The following NISCH variants were observed in gnomAD, a reference collection of about 807,000 sequenced individuals.
NISCH encodes nischarin, also known as I-1 receptor candidate protein.
A neutral mutation model predicts 138.4 loss-of-function variants in NISCH; 55 were observed. That is an observed-to-expected ratio of 0.40 (90% CI 0.32 to 0.50). The LOEUF (loss-of-function observed/expected upper bound fraction) is 0.50. NISCH is among the 20% of genes least tolerant of loss of function. The probability of loss-of-function intolerance (pLI) is 0.71; values close to 1 mark genes in which losing one functional copy is unlikely to be tolerated. For synonymous variants in NISCH, 860 were observed against 861.5 expected, an observed-to-expected ratio of 1.00 and a Z score of 0.03; for missense variants, 1,643 against 2,005.5, an observed-to-expected ratio of 0.82 and a Z score of 3.45.
At position 52,478,522 on chromosome 3, in the gene NISCH, T is replaced by G. The variant is rs145041762; in HGVS notation, c.1247T>G (p.Ile416Ser). 1.1e-5 allele frequency: 17 copies of G among 1,614,022 alleles called. No individual in the cohort carries two copies. In the African/African-American group the frequency reaches 2.0e-4, roughly 19 times the overall value. ...HVSLLNNPLS[I>S]IPDYRTKVLA... ...TCTCTGCTGAACAACCCTCTGAGCA[T>G]CATCCCCGACTACCGGACCAAGGTG... The change falls in exon 11 of 21, where the codon ATC becomes AGC. Residue 416 changes from isoleucine to serine, a missense_variant. Ile to Ser is a moderately radical substitution (Grantham distance 142). Coordinates refer to ENST00000345716, the MANE Select transcript of NISCH (RefSeq NM_007184.4).
At chr3:52,465,517 T>A (rs1706756816) in intron 3 of NISCH, among the ~76,000 whole-genome samples, 1 of 152,210 alleles carries the variant, frequency 6.6e-6, no homozygotes, top group South Asian at 2.1e-4. Context: ...GCCGCCTGTA[T>A]GAGTGAGGGG....
At position 52,489,445 on chromosome 3, in the gene NISCH, C is replaced by T. The variant is rs1707502161; in HGVS notation, c.3223C>T (p.Pro1075Ser). The change falls in exon 17 of 21, where the codon CCG becomes TCG. Residue 1075 changes from proline (P) to serine (S), a missense_variant. By Grantham distance (74) the Pro-to-Ser change is moderately conservative. Coordinates refer to ENST00000345716, the MANE Select transcript of NISCH (RefSeq NM_007184.4). ...AASASGPAKT[P>S]APAEASTSAL... ...CTCAGCCTCAGGCCCAGCGAAGACT[C>T]CGGCCCCAGCAGAGGCCTCAACTTC... 2 of 1,600,924 alleles carry T rather than the reference C, an allele frequency of 1.2e-6. No homozygotes were observed. Among genetic ancestry groups the T allele is most frequent in the African/African-American group, 1.3e-5 (1 of 74,840 alleles).
intron 3 of NISCH, among the ~76,000 whole-genome samples, chr3:52,469,861 G>A (rs1706891361): frequency 6.6e-6 from 1 of 151,060 alleles, no homozygotes; most frequent in East Asian, 1.9e-4. Context: ...GTGGCGGTGA[G>A]CCGAGATTAC....
intron 9 of NISCH, 60 bp from the exon 10 acceptor site, chr3:52,478,037 G>A: frequency 6.4e-7 from 1 of 1,570,210 alleles, no homozygotes; most frequent in Non-Finnish European, 8.7e-7. Context: ...ATTAGTGTCA[G>A]GCCCCTATCT....
rs61736838 is a variant in NISCH, at chr3:52,488,575, C to T, written c.3083C>T (p.Ala1028Val). Residue 1028 changes from alanine to valine, a missense_variant, in exon 16 of 21, where the codon GCG (alanine) becomes GTG (valine). Physicochemically the swap from Ala to Val is moderately conservative, Grantham distance 64. Transcript: ENST00000345716. The stretch of plus-strand genomic sequence containing the variant: ...GGAGGCAGCCCCCAGGGCTCCTTTG[C>T]GGATGGCCAGCCTGCCGAGCGCAGG... ...GTGGSPQGSF[A>V]DGQPAERRAS... The T allele has an allele frequency of 5.3e-3, 8,535 of 1,611,754 alleles. 64 individuals carry two copies. Among genetic ancestry groups the T allele is most frequent in the South Asian group, 0.02 (1,837 of 91,020 alleles).
chr3:52,479,232 C>A (rs994641565), intron 11 of NISCH, among the ~76,000 whole-genome samples: 1 of 152,120 alleles, frequency 6.6e-6, no homozygotes, highest in Admixed American at 6.5e-5. Flanking sequence ...GCCCTTGGGA[C>A]CTTCCCTCAT....
Position 52,491,954 on chromosome 3 carries a change from G to C in NISCH, c.3987G>C (p.Thr1329=). 6.2e-7 allele frequency: 1 copy of C among 1,613,674 alleles called. No homozygotes were observed. Among genetic ancestry groups the C allele is most frequent in the Non-Finnish European group, 8.5e-7 (1 of 1,180,016 alleles). ...GTGAGGAGGAGATTGGGGACCTGAC[G>C]TTCACTGTGGCCCAAAAGATGGCTG... ...YPSEEEIGDL[T]FTVAQKMAEP... The change falls in exon 21 of 21, where the codon ACG becomes ACC. Residue 1329 remains threonine, a synonymous_variant. Coordinates refer to ENST00000345716, the MANE Select transcript of NISCH (RefSeq NM_007184.4).
chr3:52,490,314 G>C, intron 18 of NISCH, 83 bp downstream of exon 18: 1 of 1,494,722 alleles, frequency 6.7e-7, no homozygotes, highest in Non-Finnish European at 9.1e-7. Flanking sequence ...GGAGCCAGCT[G>C]TGTGGCTTCA....
chr3:52,479,981 C>A (rs1325846642), intron 12 of NISCH, 119 bp downstream of exon 12: 5 of 987,786 alleles, frequency 5.1e-6, no homozygotes, highest in South Asian at 1.5e-5. Flanking sequence ...GCGCCCCTCC[C>A]TGGCTGCATG....
chr3:52,491,225 C>G, intron 19 of NISCH, 127 bp from the exon 20 acceptor site: 1 of 1,402,014 alleles, frequency 7.1e-7, no homozygotes, highest in South Asian at 1.5e-5. Flanking sequence ...ATGATTCTTT[C>G]CTGTGTGGGC....
chr3:52,470,379 C>T (rs1254732199), intron 3 of NISCH, among the ~76,000 whole-genome samples: 2 of 152,120 alleles, frequency 1.3e-5, no homozygotes, highest in African/African-American at 4.8e-5. Flanking sequence ...ACATTTGAAA[C>T]GTGAGAGGAA....
At chr3:52,477,298 ACT>A (rs1223429646) in intron 8 of NISCH, among the ~76,000 whole-genome samples, 3 of 151,860 alleles carry the variant, frequency 2.0e-5, no homozygotes, top group Non-Finnish European at 4.4e-5. Flanking sequence ...AGAAGAACAG[ACT>A]CTCTTCTCTG....
Position 52,492,407 on chromosome 3 carries a change from G to A in NISCH, c.4440G>A (p.Glu1480=). The A allele has an allele frequency of 6.2e-7, 1 of 1,613,000 alleles. No individual in the cohort carries two copies. The highest frequency in any genetic ancestry group is 8.5e-7 in the Non-Finnish European group (1 of 1,180,010). The change falls in exon 21 of 21, where the codon GAG becomes GAA. Residue 1480 remains glutamate, a synonymous_variant. Coordinates refer to ENST00000345716, the MANE Select transcript of NISCH (RefSeq NM_007184.4). ...TTGTCCCCAGTGCTGAGAGCAGAGA[G>A]AAGCTCATCTCGCTGTTGGCTCGCC... The part of the protein sequence containing the change: ...QVFVPSAESR[E]KLISLLARQW...
chr3:52,491,734 G>A, intron 20 of NISCH, 138 bp from the exon 21 acceptor site: 1 of 1,230,784 alleles, frequency 8.1e-7, no homozygotes, highest in Non-Finnish European at 1.1e-6. Flanking sequence ...TGGGCTCCTG[G>A]CCTGTGGGCC....
At chr3:52,482,794 G>A (rs1022706044) in intron 13 of NISCH, among the ~76,000 whole-genome samples, 35 of 152,332 alleles carry the variant, frequency 2.3e-4, no homozygotes, top group African/African-American at 6.0e-4. Context: ...ATGCATGAGC[G>A]AATGCTGGGG....
In NISCH at chr3:52,488,408, A is replaced by G. The variant is rs749100266; in HGVS notation, c.2916A>G (p.Leu972=). The change falls in exon 16 of 21, where the codon CTA becomes CTG. Residue 972 remains leucine, a synonymous_variant. Coordinates refer to ENST00000345716, the MANE Select transcript of NISCH (RefSeq NM_007184.4). Reference sequence around the variant, plus strand: ...GCGCCTTTGCTGATGGCCACGTGCTAGAGCTGCTCGTGGGGTACCGCTTTG... The same window carrying G: ...GCGCCTTTGCTGATGGCCACGTGCTGGAGCTGCTCGTGGGGTACCGCTTTG... The part of the protein sequence containing the change: ...PRGAFADGHV[L]ELLVGYRFVT... 6.8e-6 allele frequency: 11 copies of G among 1,613,700 alleles called. No homozygotes were observed. Among genetic ancestry groups the G allele is most frequent in the Middle Eastern group, 1.6e-4 (1 of 6,084 alleles).
In NISCH at chr3:52,491,737, TG is replaced by T; in HGVS notation, c.3905-134del. On this transcript the variant is annotated intron_variant, in intron 20 of 20. Transcript: ENST00000345716. ...CAGTGCCTGCTTTGGGCTCCTGGCC[TG>T]TGGGCCCCACACTTGGAGCATCCTC... 4 of 1,250,786 alleles carry T rather than the reference TG, an allele frequency of 3.2e-6. No homozygotes were observed. In the South Asian group the frequency reaches 5.8e-5, roughly 18 times the overall value. The allele number at this position is 1,250,786 out of a possible 1,614,324, so 77.5% of individuals were successfully genotyped here. A position where few individuals can be genotyped will look rare whatever the true frequency, so the allele number is the denominator to read the frequency against.
chr3:52,457,822 G>A lies in NISCH; in HGVS notation c.94-21G>A, dbSNP rs1325947845. On this transcript the variant is annotated intron_variant, in intron 1 of 20. Transcript: ENST00000345716. ...GTTGCTGGGCTCCCTTGCCACAAGG[G>A]CTGTTGGTTTCCCCTTTTAGGTTTA... 4 of 1,588,620 alleles carry A rather than the reference G, an allele frequency of 2.5e-6. No individual in the cohort carries two copies. In the South Asian group the frequency reaches 4.4e-5, roughly 18 times the overall value.
At chr3:52,455,957 G>A (rs891829979) in intron 1 of NISCH, among the ~76,000 whole-genome samples, 9 of 149,902 alleles carry the variant, frequency 6.0e-5, no homozygotes, top group Admixed American at 1.3e-4. Context: ...TTGGAAAAGG[G>A]TACGCGATCA....
Sources: allele counts gnomAD v4.1 joint callset (sites outside exome capture counted in the v4.1 genomes callset), GRCh38; gene constraint gnomAD v4.1.1; transcripts MANE v1.5; gene names NCBI Gene and HGNC (gene_info 2026-07-23, HGNC 2026-07-21).